FER: variants seen among roughly 807,000 people sequenced by gnomAD.
FER encodes the protein tyrosine-protein kinase Fer.
A neutral mutation model predicts 111.0 loss-of-function variants in FER; 63 were observed. The ratio of observed to expected loss-of-function variants is 0.57; its 90% confidence interval spans 0.46 to 0.70. The LOEUF (loss-of-function observed/expected upper bound fraction) is 0.70. FER is among the 30% of genes least tolerant of loss of function. The pLI, the probability that FER is intolerant of heterozygous loss-of-function variation, is 0.00. For synonymous variants in FER, 327 were observed against 313.9 expected, an observed-to-expected ratio of 1.04 and a Z score of -0.44; for missense variants, 914 against 954.0, an observed-to-expected ratio of 0.96 and a Z score of 0.55.
chr5:108,758,553 G>A (rs1468208115), intron 1 of FER, among the ~76,000 whole-genome samples: 1 of 152,142 alleles, frequency 6.6e-6, no homozygotes, highest in African/African-American at 2.4e-5. Flanking sequence ...ATTTCTTTCA[G>A]TTGGGTTCAG....
intron 13 of FER, among the ~76,000 whole-genome samples, chr5:109,030,876 T>A (rs928861836): frequency 2.6e-5 from 4 of 152,138 alleles, no homozygotes; most frequent in African/African-American, 9.7e-5. Flanking sequence ...CTCTTGCCAA[T>A]GCAACTGAGC....
chr5:108,765,516 C>T (rs1158639082), intron 1 of FER, among the ~76,000 whole-genome samples: 1 of 152,048 alleles, frequency 6.6e-6, no homozygotes. Context: ...ACCTCCTAGG[C>T]TCAAGTGATC....
At chr5:109,091,331 G>T (rs1038750734) in intron 16 of FER, among the ~76,000 whole-genome samples, 8 of 152,088 alleles carry the variant, frequency 5.3e-5, no homozygotes, top group African/African-American at 1.9e-4. Flanking sequence ...GGTCACCCCA[G>T]ATATGGCTCC....
At chr5:109,003,144 G>A (rs1765025027) in intron 13 of FER, among the ~76,000 whole-genome samples, 1 of 152,114 alleles carries the variant, frequency 6.6e-6, no homozygotes. Context: ...TATAAATCAT[G>A]CTGCTATAAA....
intron 13 of FER, among the ~76,000 whole-genome samples, chr5:109,000,911 G>C (rs1764684419): frequency 6.6e-6 from 1 of 152,090 alleles, no homozygotes; most frequent in African/African-American, 2.4e-5. Flanking sequence ...TAGAAGAAAT[G>C]GATAAATTCC....
At chr5:108,797,346 G>T (rs1037086830) in intron 2 of FER, among the ~76,000 whole-genome samples, 1 of 152,088 alleles carries the variant, frequency 6.6e-6, no homozygotes, top group Non-Finnish European at 1.5e-5. Flanking sequence ...CAGAAGGGGT[G>T]TTGCAAGCAC....
rs1222996501 is a variant in FER at position 109,194,160 on chromosome 5, ATCTT to A, written c.*6586_*6589del. On this transcript the variant is annotated 3_prime_UTR_variant, in exon 20 of 20. Transcript: ENST00000281092. ...TGTAAACACTAGCAATAATTGCTTT[ATCTT>A]AAACTCCTGGACATACTCAGTTCTT... The A allele has an allele frequency of 3.3e-5, 5 of 152,286 alleles. No homozygotes were observed. The East Asian group carries it at 7.7e-4, about 24-fold the overall frequency. 9.4% of individuals were successfully genotyped at this position (152,286 alleles called of 1,614,324 possible).
chr5:109,030,278 G>T (rs933639011), intron 13 of FER, among the ~76,000 whole-genome samples: 9 of 152,094 alleles, frequency 5.9e-5, no homozygotes, highest in African/African-American at 2.2e-4. Context: ...TAAAATCCTC[G>T]TCAGGTAATT....
At chr5:109,173,184 C>G (rs893742169) in intron 17 of FER, among the ~76,000 whole-genome samples, 2 of 152,232 alleles carry the variant, frequency 1.3e-5, no homozygotes, top group African/African-American at 2.4e-5. Flanking sequence ...GCAGCAAGCA[C>G]TTCTCTGTGC....
chr5:109,054,443 T>C (rs773592561), intron 16 of FER, among the ~76,000 whole-genome samples: 1 of 152,224 alleles, frequency 6.6e-6, no homozygotes, highest in Non-Finnish European at 1.5e-5. Flanking sequence ...AGTGTCCAAA[T>C]CGTCTTGCCT....
chr5:108,748,302 G>T (rs1209752931), intron 1 of FER: 3 of 152,324 alleles, frequency 2.0e-5, no homozygotes, highest in Admixed American at 2.0e-4. Flanking sequence ...CCCTAAAGCA[G>T]CTTCCCTTCC....
intron 13 of FER, among the ~76,000 whole-genome samples, chr5:108,963,301 G>A (rs1180144454): frequency 6.6e-6 from 1 of 152,122 alleles, no homozygotes; most frequent in East Asian, 1.9e-4. Flanking sequence ...AGTGGCTCGT[G>A]CCTGTAATCC....
At chr5:108,883,668 CTGGAAAAATGATTCTGTGGTTTTAAAAAA>C in intron 9 of FER, 150 bp downstream of exon 9, 1 of 632,952 alleles carries the variant, frequency 1.6e-6, no homozygotes, top group Non-Finnish European at 2.3e-6. Context: ...TTCTAGGATT[CTGGAAAAATGATTCTGTGGTTTTAAAAAA>C]TATAGTGTCC....
At chr5:108,940,940 T>G (rs73209347) in intron 10 of FER, among the ~76,000 whole-genome samples, 29,290 of 152,020 alleles carry the variant, frequency 0.19, 3,233 homozygotes, top group African/African-American at 0.3. Flanking sequence ...GGTCTTCACA[T>G]TCTAGGGCAA....
chr5:109,170,183 G>T (rs1238157111), intron 17 of FER, among the ~76,000 whole-genome samples: 1 of 151,984 alleles, frequency 6.6e-6, no homozygotes, highest in Non-Finnish European at 1.5e-5. Flanking sequence ...TGGAGGAATT[G>T]TTATATGCCC....
At chr5:108,844,440 A>G (rs1761672322) in intron 5 of FER, among the ~76,000 whole-genome samples, 1 of 152,192 alleles carries the variant, frequency 6.6e-6, no homozygotes, top group African/African-American at 2.4e-5. Flanking sequence ...TTTAATTGCC[A>G]TGTAGAAGAA....
At chr5:109,037,017 A>G (rs1770501805) in intron 13 of FER, among the ~76,000 whole-genome samples, 1 of 152,114 alleles carries the variant, frequency 6.6e-6, no homozygotes, top group Non-Finnish European at 1.5e-5. Flanking sequence ...TGATTTGAGT[A>G]GAAAAACAAT....
chr5:108,865,989 G>A (rs1204499152), intron 5 of FER, among the ~76,000 whole-genome samples: 1 of 152,192 alleles, frequency 6.6e-6, no homozygotes. Flanking sequence ...CTGTTGGTGG[G>A]ACTGTAAACA....
At chr5:108,828,724 T>A (rs1759731169) in intron 3 of FER, among the ~76,000 whole-genome samples, 1 of 152,258 alleles carries the variant, frequency 6.6e-6, no homozygotes. Context: ...TAAGGAATAC[T>A]ATTAGCAATC....
Sources: gnomAD v4.1 joint callset for allele counts (sites outside exome capture counted in the v4.1 genomes callset) on GRCh38, gnomAD v4.1.1 for gene constraint, MANE v1.5 for transcripts, NCBI Gene and HGNC (gene_info 2026-07-23, HGNC 2026-07-21) for gene names.